The following AKNA variants were observed in gnomAD, a reference collection of about 807,000 sequenced individuals.
AKNA encodes AT-hook transcription factor, also known as microtubule organization protein AKNA.
Under a neutral mutation model 138.8 loss-of-function variants are expected in AKNA, and 67 were observed. The observed-to-expected ratio is 0.48, with a 90% CI of 0.40 to 0.59. The LOEUF is 0.59. Ranked by LOEUF, AKNA falls within the 20% of genes least tolerant of loss-of-function variation. The probability of loss-of-function intolerance (pLI) is 0.00; values close to 1 mark genes in which losing one functional copy is unlikely to be tolerated. For synonymous variants in AKNA, 737 were observed against 754.4 expected, an observed-to-expected ratio of 0.98 and a Z score of 0.38; for missense variants, 1,813 against 1,880.4, an observed-to-expected ratio of 0.96 and a Z score of 0.66.
chr9:114,362,614 C>A, intron 7 of AKNA, 81 bp from the exon 8 acceptor site: 1 of 1,485,964 alleles, frequency 6.7e-7, no homozygotes, highest in Non-Finnish European at 9.0e-7. Context: ...GATGAGACAG[C>A]TTGCGGGAGG....
chr9:114,331,276 T>A (rs562072398), downstream of AKNA, among the ~76,000 whole-genome samples: 15 of 152,036 alleles, frequency 9.9e-5, no homozygotes, highest in African/African-American at 4.8e-5. Context: ...TGAACTGACA[T>A]CATTTAGCAT....
chr9:114,342,830 A>C (rs1170596608), intron 19 of AKNA, among the ~76,000 whole-genome samples: 2 of 133,314 alleles, frequency 1.5e-5, no homozygotes, highest in African/African-American at 5.6e-5. Flanking sequence ...TTCCTTGGGG[A>C]CGGGGCCCAG....
chr9:114,334,607 C>T lies in AKNA; in HGVS notation c.*2447G>A, dbSNP rs199965026. ...CCGAGGCACAGCCCACTCAGTGGCA[C>T]AAGCCACAAAGGGCCGGCCTCACCC... On this transcript the variant is annotated 3_prime_UTR_variant, in exon 22 of 22. Transcript: ENST00000374088. 6.8e-6 allele frequency: 1 copy of T among 146,984 alleles called. No individual in the cohort carries two copies. The highest frequency in any genetic ancestry group is 1.5e-5 in the Non-Finnish European group (1 of 67,794). 9.1% of individuals were successfully genotyped at this position (146,984 alleles called of 1,614,324 possible).
At chr9:114,341,844 A>G in intron 20 of AKNA, 119 bp from the exon 21 acceptor site, 2 of 1,339,354 alleles carry the variant, frequency 1.5e-6, no homozygotes, top group Non-Finnish European at 2.1e-6. Flanking sequence ...ACCCTGTGAG[A>G]CTCCATGTCG....
At chr9:114,386,758 C>T (rs1834061036) in intron 1 of AKNA, among the ~76,000 whole-genome samples, 1 of 152,110 alleles carries the variant, frequency 6.6e-6, no homozygotes, top group Admixed American at 6.5e-5. Context: ...ACTCTTCTTC[C>T]CCACCACCCA....
At chr9:114,397,676 T>C (rs955675695), upstream of AKNA, among the ~76,000 whole-genome samples, 1 of 152,178 alleles carries the variant, frequency 6.6e-6, no homozygotes, top group Non-Finnish European at 1.5e-5. Flanking sequence ...CCCATCACAC[T>C]GGGGAGAGCC....
Position 114,337,226 on chromosome 9 carries a change from C to A in AKNA, c.4148G>T (p.Arg1383Ile). Residue 1383 changes from arginine (R) to isoleucine (I), a missense_variant, in exon 22 of 22, where the codon AGA becomes ATA. Coordinates refer to ENST00000374088, the MANE Select transcript of AKNA (RefSeq NM_001317950.2). ...PPTASPPPAR[R>I]HRHSIQLDLG... ...GTCGAGCTGGATGGAGTGCCGGTGT[C>A]TCCGGGCTGGTGGGGGAGAGGCTGT... 1 of 1,579,320 alleles carries A rather than the reference C, an allele frequency of 6.3e-7. No homozygotes were observed. The highest frequency in any genetic ancestry group is 8.7e-7 in the Non-Finnish European group (1 of 1,155,826).
intron 4 of AKNA, 147 bp from the exon 5 acceptor site, chr9:114,368,742 A>T: frequency 1.4e-6 from 1 of 702,564 alleles, no homozygotes; most frequent in East Asian, 3.4e-5. Flanking sequence ...GGCCAAACAC[A>T]GGTGAAGAAC....
At chr9:114,361,978 G>C in intron 8 of AKNA, 67 bp from the exon 9 acceptor site, 4 of 1,536,904 alleles carry the variant, frequency 2.6e-6, no homozygotes, top group Admixed American at 1.8e-5. Context: ...TCCAGGAACA[G>C]AGTATCAGAG....
chr9:114,378,538 T>TA (rs1833410452), intron 2 of AKNA, among the ~76,000 whole-genome samples: 1 of 151,936 alleles, frequency 6.6e-6, no homozygotes, highest in Non-Finnish European at 1.5e-5. Flanking sequence ...ATTTGTTGAC[T>TA]AAACAGAAGG....
upstream of AKNA, among the ~76,000 whole-genome samples, chr9:114,397,752 C>T (rs1834575917): frequency 6.6e-6 from 1 of 152,164 alleles, no homozygotes; most frequent in South Asian, 2.1e-4. Flanking sequence ...CCTCATTCTC[C>T]TCCGCAGGTG....
At position 114,350,850 on chromosome 9, in the gene AKNA, C is replaced by G; in HGVS notation, c.3221+9G>C. On this transcript the variant is annotated intron_variant, in intron 15 of 21. Transcript: ENST00000374088. ...GCTTGAATCCCCAGGATCCAAGTGT[C>G]TAACTTACTCTCGCCCTGCCCTGGT... The G allele has an allele frequency of 6.5e-7, 1 of 1,539,402 alleles. No individual in the cohort carries two copies.
intron 21 of AKNA, among the ~76,000 whole-genome samples, chr9:114,340,977 C>G (rs1173657608): frequency 6.6e-6 from 1 of 152,162 alleles, no homozygotes; most frequent in Non-Finnish European, 1.5e-5. Context: ...CCTGAAGGAA[C>G]TACGAACTTC....
chr9:114,394,968 G>C (rs1163402447), upstream of AKNA, among the ~76,000 whole-genome samples: 3 of 152,192 alleles, frequency 2.0e-5, no homozygotes, highest in Non-Finnish European at 2.9e-5. Flanking sequence ...GGGCTGGGGG[G>C]AGAATGCTGG....
chr9:114,368,578 G>T lies in AKNA; in HGVS notation c.1434C>A (p.Asp478Glu). Residue 478 changes from aspartate to glutamate, a missense_variant, in exon 5 of 22, where the codon GAC (aspartate) becomes GAA (glutamate). By Grantham distance (45) the Asp-to-Glu change is conservative. Transcript: ENST00000374088. ...RLGAKVNLFS[D>E]PPQPNHSIHT... ...GGATGCTGTGGTTGGGCTGGGGTGG[G>T]TCAGAGAACAGGTTCACCTGTGGAA... 7.2e-7 allele frequency: 1 copy of T among 1,392,240 alleles called. No individual in the cohort carries two copies. Among genetic ancestry groups the T allele is most frequent in the Non-Finnish European group, 9.4e-7 (1 of 1,066,944 alleles). The allele number at this position is 1,392,240 out of a possible 1,614,324, so 86.2% of individuals were successfully genotyped here.
rs1833300736 is a variant in AKNA at position 114,377,226 on chromosome 9, T to A, written c.581A>T (p.Glu194Val). ...SEHSEVNPSV[E>V]LSPARSWSSG... ...GCTCCAGGACCTTGCCGGGCTGAGT[T>A]CAACGGATGGGTTGACCTCGGAATG... is the stretch of plus-strand genomic sequence containing the variant. Residue 194 changes from glutamate to valine, a missense_variant, in exon 3 of 22, where the codon GAA becomes GTA. Glu to Val is a moderately radical substitution (Grantham distance 121). Transcript: ENST00000374088. 2 of 1,614,168 alleles carry A rather than the reference T, an allele frequency of 1.2e-6. No individual in the cohort carries two copies. Among genetic ancestry groups the A allele is most frequent in the East Asian group, 4.5e-5 (2 of 44,870 alleles).
Position 114,381,056 on chromosome 9 carries a change from T to C in AKNA, c.274+4A>G, listed in dbSNP as rs1245894213. 6.5e-7 allele frequency: 1 copy of C among 1,544,626 alleles called. No homozygotes were observed. Among genetic ancestry groups the C allele is most frequent in the Non-Finnish European group, 8.7e-7 (1 of 1,145,724 alleles). On this transcript the variant is annotated splice_donor_region_variant and intron_variant, in intron 2 of 21. Transcript: ENST00000374088. Reference sequence around the variant, plus strand: ...CACTGTAGGGGGAGGGGTGTCAGTCTCACCTTCTCCCGAAGTCTCTCCTGA... The same window carrying C: ...CACTGTAGGGGGAGGGGTGTCAGTCCCACCTTCTCCCGAAGTCTCTCCTGA...
At chr9:114,359,356 A>C in intron 11 of AKNA, 1 of 795,522 alleles carries the variant, frequency 1.3e-6, no homozygotes, top group South Asian at 1.9e-5. Context: ...GGCATGAGCC[A>C]CTGTGCCCAG....
intron 1 of AKNA, among the ~76,000 whole-genome samples, chr9:114,384,350 C>G (rs1424566059): frequency 1.3e-5 from 2 of 152,192 alleles, no homozygotes; most frequent in African/African-American, 4.8e-5. Flanking sequence ...GTGGGCAGAT[C>G]ACTTGAGCTC....
Sources: allele counts gnomAD v4.1 joint callset (sites outside exome capture counted in the v4.1 genomes callset), GRCh38; gene constraint gnomAD v4.1.1; transcripts MANE v1.5; gene names NCBI Gene and HGNC (gene_info 2026-07-23, HGNC 2026-07-21).